The following RFX3 variants were observed in gnomAD, a reference collection of about 807,000 sequenced individuals.
RFX3 encodes regulatory factor X3, also known as transcription factor RFX3.
RFX3 carries 14 observed loss-of-function variants against 98.6 expected under a neutral mutation model. That is an observed-to-expected ratio of 0.14 (90% CI 0.09 to 0.22). The LOEUF (loss-of-function observed/expected upper bound fraction) is 0.22. Among genes scored for constraint, RFX3 ranks in the 10% least tolerant of loss-of-function variants. The pLI is 1.00. For synonymous variants in RFX3, 383 were observed against 328.4 expected (o/e 1.17, Z -1.80); for missense variants, 639 against 926.9 (o/e 0.69, Z 4.03).
intron 13 of RFX3, among the ~76,000 whole-genome samples, chr9:3,260,812 A>C (rs1326012383): frequency 6.6e-6 from 1 of 150,670 alleles, no homozygotes; most frequent in Non-Finnish European, 1.5e-5. Flanking sequence ...TTCTAGATGG[A>C]TAGATGATAT....
At chr9:3,429,244 G>A (rs983653932) in intron 1 of RFX3, among the ~76,000 whole-genome samples, 4 of 150,674 alleles carry the variant, frequency 2.7e-5, no homozygotes, top group African/African-American at 4.9e-5. Context: ...AGATGGTCTC[G>A]ATCTCCTGAC....
chr9:3,258,751 T>A (rs1822469049), intron 13 of RFX3, among the ~76,000 whole-genome samples: 1 of 151,958 alleles, frequency 6.6e-6, no homozygotes, highest in African/African-American at 2.4e-5. Context: ...TATTGATGTA[T>A]GTACCTTTCA....
intron 1 of RFX3, among the ~76,000 whole-genome samples, chr9:3,403,904 G>T (rs1479677509): frequency 2.0e-5 from 3 of 152,108 alleles, no homozygotes; most frequent in Non-Finnish European, 4.4e-5. Context: ...CATCAGAAAA[G>T]ACTCCAATGA....
intron 3 of RFX3, among the ~76,000 whole-genome samples, chr9:3,340,319 A>T (rs1191677297): frequency 6.6e-6 from 1 of 152,208 alleles, no homozygotes; most frequent in East Asian, 1.9e-4. Context: ...AACCTGGGCA[A>T]TACCATTCAG....
At chr9:3,239,120 G>A (rs994678788) in intron 15 of RFX3, among the ~76,000 whole-genome samples, 7 of 152,236 alleles carry the variant, frequency 4.6e-5, no homozygotes, top group African/African-American at 1.4e-4. Flanking sequence ...GGAGTCCAGA[G>A]CATTATTATT....
chr9:3,437,165 AC>A (rs943992285), intron 1 of RFX3, among the ~76,000 whole-genome samples: 3 of 152,082 alleles, frequency 2.0e-5, no homozygotes, highest in African/African-American at 7.2e-5. Context: ...TTGGTTAATT[AC>A]CATGAATCCT....
At chr9:3,458,238 T>A (rs946414963) in intron 1 of RFX3, among the ~76,000 whole-genome samples, 2 of 152,068 alleles carry the variant, frequency 1.3e-5, no homozygotes, top group African/African-American at 4.8e-5. Context: ...CACCAATACA[T>A]AGAATAAATA....
At chr9:3,454,136 C>T (rs1024397867) in intron 1 of RFX3, among the ~76,000 whole-genome samples, 1 of 152,134 alleles carries the variant, frequency 6.6e-6, no homozygotes, top group Admixed American at 6.5e-5. Flanking sequence ...TCATTCCTTT[C>T]CTGTCTCAAA....
chr9:3,243,388 T>C (rs1031052896), intron 15 of RFX3, among the ~76,000 whole-genome samples: 3 of 151,536 alleles, frequency 2.0e-5, no homozygotes, highest in Non-Finnish European at 4.4e-5. Context: ...GCAGTATTAA[T>C]GTAGTAGCAT....
intron 2 of RFX3, among the ~76,000 whole-genome samples, chr9:3,382,755 A>G (rs1033695752): frequency 1.3e-5 from 2 of 152,170 alleles, no homozygotes; most frequent in African/African-American, 4.8e-5. Context: ...TTTTCTTGAT[A>G]GTAATTTTCA....
At chr9:3,446,257 C>T (rs1846040416) in intron 1 of RFX3, among the ~76,000 whole-genome samples, 1 of 152,022 alleles carries the variant, frequency 6.6e-6, no homozygotes, top group South Asian at 2.1e-4. Context: ...GTTGCCATAA[C>T]TATAACATGT....
intron 1 of RFX3, among the ~76,000 whole-genome samples, chr9:3,399,804 C>G (rs1361727060): frequency 6.6e-6 from 1 of 151,734 alleles, no homozygotes; most frequent in Non-Finnish European, 1.5e-5. Context: ...CAAAAATTAG[C>G]CAGGCATGGT....
chr9:3,406,752 A>T (rs1027374432), intron 1 of RFX3, among the ~76,000 whole-genome samples: 2 of 152,232 alleles, frequency 1.3e-5, no homozygotes, highest in Non-Finnish European at 2.9e-5. Context: ...GACATTTTTA[A>T]TCAAATTATT....
intron 1 of RFX3, among the ~76,000 whole-genome samples, chr9:3,502,765 C>T (rs1032575633): frequency 3.3e-5 from 5 of 152,124 alleles, no homozygotes; most frequent in African/African-American, 1.2e-4. Flanking sequence ...GAGCAATGGA[C>T]TGGCAATGTG....
chr9:3,450,387 T>C (rs1426758336), intron 1 of RFX3, among the ~76,000 whole-genome samples: 1 of 152,104 alleles, frequency 6.6e-6, no homozygotes, highest in Admixed American at 6.5e-5. Context: ...TCTCTCTTTT[T>C]TTTGCTATTT....
chr9:3,370,121 T>G (rs369778007), intron 2 of RFX3, among the ~76,000 whole-genome samples: 155 of 150,852 alleles, frequency 1.0e-3, no homozygotes, highest in East Asian at 3.7e-3. Flanking sequence ...GATTACAGGC[T>G]TGAGCCACCA....
intron 7 of RFX3, among the ~76,000 whole-genome samples, chr9:3,283,470 C>T (rs571527302): frequency 4.6e-5 from 7 of 151,604 alleles, no homozygotes; most frequent in Non-Finnish European, 1.0e-4. Context: ...GCCTATGTAG[C>T]CTGTACTCAA....
intron 4 of RFX3, among the ~76,000 whole-genome samples, chr9:3,307,014 A>G (rs1310959929): frequency 1.3e-5 from 2 of 152,006 alleles, no homozygotes; most frequent in Non-Finnish European, 2.9e-5. Context: ...TTTCCTGATA[A>G]TGAATCGATC....
In RFX3 at chr9:3,224,938, A is replaced by C; in HGVS notation, c.*104T>G. 8.8e-7 allele frequency: 1 copy of C among 1,138,332 alleles called. No individual in the cohort carries two copies. Among genetic ancestry groups the C allele is most frequent in the Non-Finnish European group, 1.3e-6 (1 of 780,836 alleles). The allele number at this position is 1,138,332 out of a possible 1,614,324, so 70.5% of individuals were successfully genotyped here. A position where few individuals can be genotyped will look rare whatever the true frequency, so the allele number is the denominator to read the frequency against. On this transcript the variant is annotated 3_prime_UTR_variant, in exon 17 of 17. Coordinates refer to ENST00000617270, the MANE Select transcript of RFX3 (RefSeq NM_001282116.2). ...ACTCCAAAAAGTTAATGTTCAGCAC[A>C]GATAGAATTTGACAACAGTCGACCT...
Sources: allele counts gnomAD v4.1 joint callset (sites outside exome capture counted in the v4.1 genomes callset), GRCh38; gene constraint gnomAD v4.1.1; transcripts MANE v1.5; gene names NCBI Gene and HGNC (gene_info 2026-07-23, HGNC 2026-07-21).